The following STRIP1 variants were observed in gnomAD, a reference collection of about 807,000 sequenced individuals.
STRIP1 encodes striatin interacting protein 1.
Under a neutral mutation model 106.2 loss-of-function variants are expected in STRIP1, and 63 were observed. That is an observed-to-expected ratio of 0.59 (90% confidence interval 0.48 to 0.73). The LOEUF (loss-of-function observed/expected upper bound fraction) is 0.73. Ranked by LOEUF, STRIP1 falls within the 30% of genes least tolerant of loss-of-function variation. The pLI is 0.00. For synonymous variants in STRIP1, 390 were observed against 413.0 expected (o/e 0.94, Z 0.67); for missense variants, 857 against 1,074.8 (o/e 0.80, Z 2.83).
At chr1:110,037,041 G>C (rs1043288223) in intron 1 of STRIP1, among the ~76,000 whole-genome samples, 1 of 151,980 alleles carries the variant, frequency 6.6e-6, no homozygotes, top group African/African-American at 2.4e-5. Flanking sequence ...TACCATGTTG[G>C]CCAGGCTGGT....
At chr1:110,041,049 A>G (rs745374796) in intron 6 of STRIP1, 3 of 227,286 alleles carry the variant, frequency 1.3e-5, no homozygotes, top group Non-Finnish European at 2.6e-5. Flanking sequence ...TCTTGTGTAC[A>G]CAGCTTGATG....
intron 10 of STRIP1, among the ~76,000 whole-genome samples, 171 bp downstream of exon 10, chr1:110,044,027 AG>A (rs1395208492): frequency 1.3e-5 from 2 of 152,228 alleles, no homozygotes; most frequent in Non-Finnish European, 2.9e-5. Context: ...GGTCTCAGGG[AG>A]GCCGGCCTTG....
chr1:110,039,734 T>C (rs1205203637), intron 5 of STRIP1: 1 of 1,093,102 alleles, frequency 9.1e-7, no homozygotes, highest in Non-Finnish European at 1.3e-6. Context: ...GATGCCAGAG[T>C]TTTTACACCA....
At chr1:110,048,285 T>G (rs1012484665) in intron 15 of STRIP1, 17 of 207,992 alleles carry the variant, frequency 8.2e-5, no homozygotes, top group African/African-American at 3.0e-4. Context: ...CGCCAGTGAT[T>G]GGGCACGCAG....
intron 8 of STRIP1, among the ~76,000 whole-genome samples, chr1:110,042,668 A>G (rs1652817942): frequency 6.6e-6 from 1 of 152,230 alleles, no homozygotes; most frequent in Non-Finnish European, 1.5e-5. Flanking sequence ...AGATGTTTAG[A>G]TGAAGCTTTT....
rs1258893806 is a variant in STRIP1 at position 110,051,980 on chromosome 1, G to A, written c.2266+93G>A. On this transcript the variant is annotated intron_variant, in intron 20 of 20. Coordinates refer to ENST00000369795, the MANE Select transcript of STRIP1 (RefSeq NM_033088.4). The stretch of plus-strand genomic sequence containing the variant: ...GCCCGTGGTACTCAGGTACTTCTCT[G>A]CCCTGAGCTTCCCCCCAAGGAACAG... 2.3e-6 allele frequency: 3 copies of A among 1,322,140 alleles called. No homozygotes were observed. In the African/African-American group the frequency reaches 4.3e-5, roughly 19 times the overall value. The allele number at this position is 1,322,140 out of a possible 1,614,324, so 81.9% of individuals were successfully genotyped here.
rs372140390 is a variant in STRIP1, at chr1:110,041,811, C to T, written c.835C>T (p.Pro279Ser). The T allele has an allele frequency of 2.1e-5, 34 of 1,614,032 alleles. No homozygotes were observed. Among genetic ancestry groups the T allele is most frequent in the Non-Finnish European group, 2.8e-5 (33 of 1,180,040 alleles). Reference sequence around the variant, plus strand: ...GACCAAATTTTGCAGTGGTCACGCCCCTCACTTTCCCATGAAGAAAGTTCT... The same window carrying T: ...GACCAAATTTTGCAGTGGTCACGCCTCTCACTTTCCCATGAAGAAAGTTCT... Reference protein sequence around the residue: ...MVTKFCSGHAPHFPMKKVLLL... With the variant: ...MVTKFCSGHASHFPMKKVLLL... Residue 279 changes from proline to serine, a missense_variant, in exon 8 of 21, where the codon CCT becomes TCT. Physicochemically the swap from Pro to Ser is moderately conservative, Grantham distance 74. This residue lies in a region of STRIP1 where 750 missense variants were observed against 989.8 expected (regional missense o/e 0.76). Transcript: ENST00000369795.
Position 110,047,563 on chromosome 1 carries a change from G to C in STRIP1, c.1510G>C (p.Val504Leu). ...LSGGEEEVEQVPAETLYQGLL... is the reference protein window; with the variant it reads ...LSGGEEEVEQLPAETLYQGLL... ...AAAGGGAGAAGAAGAAGTTGAGCAA[G>C]TCCCTGCAGAAACCCTCTACCAAGG... Residue 504 changes from valine (V) to leucine (L), a missense_variant, in exon 14 of 21, where the codon GTC becomes CTC. Val to Leu is a conservative substitution (Grantham distance 32, BLOSUM62 1). Transcript: ENST00000369795. The C allele has an allele frequency of 5.0e-6, 8 of 1,612,120 alleles. No homozygotes were observed. The highest frequency in any genetic ancestry group is 6.8e-6 in the Non-Finnish European group (8 of 1,179,140).
At position 110,043,512 on chromosome 1, in the gene STRIP1, C is replaced by T. The variant is rs1483854496; in HGVS notation, c.1069-127C>T. 4.3e-6 allele frequency: 4 copies of T among 932,184 alleles called. No individual in the cohort carries two copies. The South Asian group carries it at 4.4e-5, about 10-fold the overall frequency. 57.7% of individuals were successfully genotyped at this position (932,184 alleles called of 1,614,324 possible). A position where few individuals can be genotyped will look rare whatever the true frequency, so the allele number is the denominator to read the frequency against. On this transcript the variant is annotated intron_variant, in intron 9 of 20. Coordinates refer to ENST00000369795, the MANE Select transcript of STRIP1 (RefSeq NM_033088.4). ...TGATGGTTTGGCCCCCGTCTTGACT[C>T]CCACTGTGGTTTTTCCACTGTTCTT...
chr1:110,037,895 A>G lies in STRIP1; in HGVS notation c.185A>G (p.Tyr62Cys), dbSNP rs769394836. 7.5e-6 allele frequency: 12 copies of G among 1,608,938 alleles called. No homozygotes were observed. Among genetic ancestry groups the G allele is most frequent in the Middle Eastern group, 1.6e-4 (1 of 6,072 alleles). The change falls in exon 2 of 21, where the codon TAT (tyrosine) becomes TGT (cysteine). Residue 62 changes from tyrosine (Y) to cysteine (C), a missense_variant. By Grantham distance (194) the Tyr-to-Cys change is radical. Coordinates refer to ENST00000369795, the MANE Select transcript of STRIP1 (RefSeq NM_033088.4). The stretch of plus-strand genomic sequence containing the variant: ...GCTCTCTCCTCTTGTCAGCAGGGCT[A>G]TTCGGAGTCACCAGACCTGGAGTTT... ...NRNQRKDSEG[Y>C]SESPDLEFEY...
Position 110,039,281 on chromosome 1 carries a change from T to C in STRIP1, c.435T>C (p.Ala145=). The part of the protein sequence containing the change: ...VTAREKRLKV[A]RAILYVAQGT... The stretch of plus-strand genomic sequence containing the variant: ...CCAGGGAGAAGAGACTCAAGGTGGC[T>C]CGAGCAATTCTCTATGTTGCTCAAG... Residue 145 remains alanine, a synonymous_variant, in exon 4 of 21, where the codon GCT becomes GCC. Coordinates refer to ENST00000369795, the MANE Select transcript of STRIP1 (RefSeq NM_033088.4). 1 of 1,614,174 alleles carries C rather than the reference T, an allele frequency of 6.2e-7. No homozygotes were observed. Among genetic ancestry groups the C allele is most frequent in the Non-Finnish European group, 8.5e-7 (1 of 1,180,020 alleles).
In STRIP1 at chr1:110,041,727, C is replaced by T; in HGVS notation, c.758-7C>T. 4 of 1,614,100 alleles carry T rather than the reference C, an allele frequency of 2.5e-6. No individual in the cohort carries two copies. Among genetic ancestry groups the T allele is most frequent in the South Asian group, 1.1e-5 (1 of 91,082 alleles). The stretch of plus-strand genomic sequence containing the variant: ...GGAGGGTCCTGATACCTTTGTGTCA[C>T]CTCCAGGCTCCCCGCTGTACAACAA... On this transcript the variant is annotated splice_region_variant and splice_polypyrimidine_tract_variant and intron_variant, in intron 7 of 20. Coordinates refer to ENST00000369795, the MANE Select transcript of STRIP1 (RefSeq NM_033088.4).
At chr1:110,051,147 CTG>C in intron 19 of STRIP1, 87 bp downstream of exon 19, 1 of 862,212 alleles carries the variant, frequency 1.2e-6, no homozygotes, top group South Asian at 1.4e-5. Flanking sequence ...GTGGGGCTCA[CTG>C]TGCCTTCTCA....
upstream of STRIP1, among the ~76,000 whole-genome samples, chr1:110,032,562 C>A (rs1056423366): frequency 2.0e-5 from 3 of 152,086 alleles, no homozygotes; most frequent in African/African-American, 7.2e-5. Flanking sequence ...TTGATGTGTC[C>A]AAAACTGAAG....
In STRIP1 at chr1:110,040,639, A is replaced by C; in HGVS notation, c.586A>C (p.Ser196Arg). 6.2e-7 allele frequency: 1 copy of C among 1,611,410 alleles called. No individual in the cohort carries two copies. Reference sequence around the variant, plus strand: ...GACTCTCAAAATCTCCTGCAGCAACAGTGCCGCCTGCAGCAGTGCTGTGAG... The same window carrying C: ...GACTCTCAAAATCTCCTGCAGCAACCGTGCCGCCTGCAGCAGTGCTGTGAG... The part of the protein sequence containing the change: ...VELLNMEIDN[S>R]AACSSAVRKP... The change falls in exon 6 of 21, where the codon AGT becomes CGT. Residue 196 changes from serine (S) to arginine (R), a missense_variant. This residue lies in a region of STRIP1 where 750 missense variants were observed against 989.8 expected (regional missense o/e 0.76). Coordinates refer to ENST00000369795, the MANE Select transcript of STRIP1 (RefSeq NM_033088.4).
intron 3 of STRIP1, chr1:110,038,959 A>C: frequency 2.8e-6 from 2 of 710,512 alleles, no homozygotes; most frequent in Non-Finnish European, 4.5e-6. Context: ...ATTAGGGGAG[A>C]AAAAAAAATC....
At chr1:110,049,283 G>C (rs1435702852) in intron 16 of STRIP1, 45 bp downstream of exon 16, 2 of 1,612,948 alleles carry the variant, frequency 1.2e-6, no homozygotes, top group Non-Finnish European at 1.7e-6. Context: ...TGGGGCCTCG[G>C]GCACTGCTGC....
At chr1:110,049,781 G>A in intron 17 of STRIP1, 2 of 525,074 alleles carry the variant, frequency 3.8e-6, no homozygotes, top group Non-Finnish European at 6.7e-6. Context: ...TCTGTGCCTG[G>A]GCAGGAGGGT....
chr1:110,038,795 T>C (rs750181098), intron 3 of STRIP1, 38 bp downstream of exon 3: 2 of 1,582,192 alleles, frequency 1.3e-6, no homozygotes, highest in Non-Finnish European at 1.7e-6. Context: ...TCCTTTGCCC[T>C]GCATAACGAG....
Sources: allele counts gnomAD v4.1 joint callset (sites outside exome capture counted in the v4.1 genomes callset), GRCh38; gene constraint gnomAD v4.1.1; regional missense constraint gnomAD v4.1.1; transcripts MANE v1.5; gene names NCBI Gene and HGNC (gene_info 2026-07-23, HGNC 2026-07-21).